PTPRG: variants seen among roughly 807,000 people sequenced by gnomAD.
PTPRG encodes the protein protein tyrosine phosphatase receptor type G.
PTPRG carries 102 observed loss-of-function variants against 165.3 expected under a neutral mutation model. The ratio of observed to expected loss-of-function variants is 0.62; its 90% CI spans 0.53 to 0.73. The LOEUF (loss-of-function observed/expected upper bound fraction) is 0.73. Among genes scored for constraint, PTPRG ranks in the 30% least tolerant of loss-of-function variants. PTPRG has a pLI of 0.00. For synonymous variants in PTPRG, 675 were observed against 669.5 expected, an observed-to-expected ratio of 1.01 and a Z score of -0.13; for missense variants, 1,866 against 1,861.4, an observed-to-expected ratio of 1.00 and a Z score of -0.05.
chr3:62,174,563 T>C (rs1201481387), intron 8 of PTPRG, among the ~76,000 whole-genome samples: 1 of 152,208 alleles, frequency 6.6e-6, no homozygotes. Flanking sequence ...CCTGAGTAAG[T>C]AGCCTATTTA....
chr3:61,568,480 A>C (rs914970999), intron 1 of PTPRG, among the ~76,000 whole-genome samples: 1 of 152,136 alleles, frequency 6.6e-6, no homozygotes, highest in Non-Finnish European at 1.5e-5. Flanking sequence ...AATTGGAGGG[A>C]CCATTTCACC....
chr3:61,931,276 T>G (rs1327762471), intron 2 of PTPRG, among the ~76,000 whole-genome samples: 1 of 152,246 alleles, frequency 6.6e-6, no homozygotes, highest in Non-Finnish European at 1.5e-5. Flanking sequence ...GAGCGCATTT[T>G]CACCCTCAAC....
intron 1 of PTPRG, among the ~76,000 whole-genome samples, chr3:61,674,486 C>CAAAAAAAA (rs58334791): frequency 1.7e-5 from 1 of 57,988 alleles, no homozygotes; most frequent in Non-Finnish European, 2.9e-5. Flanking sequence ...GACTCCATCT[C>CAAAAAAAA]AAAAAAAAAA....
chr3:61,887,017 A>G (rs1240007096), intron 2 of PTPRG, among the ~76,000 whole-genome samples: 5 of 150,814 alleles, frequency 3.3e-5, no homozygotes, highest in Non-Finnish European at 5.9e-5. Flanking sequence ...TGCGCTACTA[A>G]TATCTTGTGT....
At chr3:62,208,814 A>T (rs184455472) in intron 12 of PTPRG, among the ~76,000 whole-genome samples, 7 of 152,368 alleles carry the variant, frequency 4.6e-5, no homozygotes, top group Admixed American at 2.6e-4. Flanking sequence ...GTCACCAGTG[A>T]ACATTTGTGC....
Position 62,229,250 on chromosome 3 carries a change from TTCTC to T in PTPRG, c.2289-1973_2289-1970del. 6.6e-6 allele frequency among the ~76,000 whole-genome samples: 1 copy of T among 152,292 alleles called. No individual in the cohort carries two copies. Among genetic ancestry groups the T allele is most frequent in the East Asian group, 1.9e-4 (1 of 5,182 alleles). On this transcript the variant is annotated intron_variant, in intron 13 of 29. Transcript: ENST00000474889. The surrounding 1 kb of genome is among the most constrained non-coding windows in gnomAD (Gnocchi z 4.6). Reference sequence around the variant, plus strand: ...TGGAGGTGGTCACCCCTTTTTTTCTTTCTCTATGTGCCTGTGCTGGGAGATCTGG... The same window carrying T: ...TGGAGGTGGTCACCCCTTTTTTTCTTTATGTGCCTGTGCTGGGAGATCTGG...
chr3:61,736,915 T>C (rs916342946), intron 1 of PTPRG, among the ~76,000 whole-genome samples: 1 of 152,214 alleles, frequency 6.6e-6, no homozygotes, highest in African/African-American at 2.4e-5. Context: ...AAGGAAGGCA[T>C]ATATCAGACC....
Position 61,627,620 on chromosome 3 carries a change from AT to A in PTPRG, c.85+65252del, listed in dbSNP as rs112473928. Reference sequence around the variant, plus strand: ...ACTGACAGGTTTTATTTAATGACCCATTTTCCTTTATTTGAACTCAGCCCCA... The same window carrying A: ...ACTGACAGGTTTTATTTAATGACCCATTTCCTTTATTTGAACTCAGCCCCA... On this transcript the variant is annotated intron_variant, in intron 1 of 29. Transcript: ENST00000474889. Among the ~76,000 whole-genome samples the A allele has an allele frequency of 9.3e-3, 1,415 of 152,222 alleles. 24 individuals carry two copies. The highest frequency in any genetic ancestry group is 0.032 in the African/African-American group (1,346 of 41,524).
chr3:61,775,294 C>T (rs1235978691), intron 2 of PTPRG, among the ~76,000 whole-genome samples: 4 of 152,128 alleles, frequency 2.6e-5, no homozygotes, highest in African/African-American at 9.7e-5. Context: ...TGGTCTCGAA[C>T]TCCTGACCTC....
At chr3:62,041,447 A>G (rs998042776) in intron 4 of PTPRG, among the ~76,000 whole-genome samples, 1 of 152,196 alleles carries the variant, frequency 6.6e-6, no homozygotes, top group Admixed American at 6.5e-5. Flanking sequence ...CAAGACTTTT[A>G]GTCTGAAATT....
chr3:62,136,027 C>T (rs1321395036), intron 6 of PTPRG, among the ~76,000 whole-genome samples: 1 of 152,178 alleles, frequency 6.6e-6, no homozygotes, highest in Non-Finnish European at 1.5e-5. Context: ...GTTCAACAAG[C>T]TCCTCACAGC....
chr3:61,901,319 G>A (rs771416197), intron 2 of PTPRG, among the ~76,000 whole-genome samples: 8 of 152,204 alleles, frequency 5.3e-5, no homozygotes, highest in Non-Finnish European at 8.8e-5. Flanking sequence ...GGAGTGTGAA[G>A]GTTGGGTTGG....
chr3:61,816,732 G>A (rs1369564331), intron 2 of PTPRG, among the ~76,000 whole-genome samples: 3 of 151,716 alleles, frequency 2.0e-5, no homozygotes, highest in Non-Finnish European at 4.4e-5. Context: ...TTTTTGCAGC[G>A]GTCTTGATGA....
Position 61,725,412 on chromosome 3 carries a change from A to C in PTPRG, c.86-23466A>C, listed in dbSNP as rs1186060381. On this transcript the variant is annotated intron_variant, in intron 1 of 29. Transcript: ENST00000474889. Reference sequence around the variant, plus strand: ...GATACACTTTGTATTTTATTTTTTAAATTTTTTGCCTGTGGATGTCCAATT... The same window carrying C: ...GATACACTTTGTATTTTATTTTTTACATTTTTTGCCTGTGGATGTCCAATT... Among the ~76,000 whole-genome samples, 4 of 151,878 alleles carry C rather than the reference A, an allele frequency of 2.6e-5. No homozygotes were observed. The East Asian group carries it at 7.7e-4, about 29-fold the overall frequency.
chr3:62,242,502 G>A (rs1050600089), intron 14 of PTPRG, among the ~76,000 whole-genome samples: 5 of 152,142 alleles, frequency 3.3e-5, no homozygotes, highest in Non-Finnish European at 5.9e-5. Flanking sequence ...TCTGAAAATA[G>A]GCACTGCTTA....
chr3:61,768,104 G>A (rs1257748123), intron 2 of PTPRG, among the ~76,000 whole-genome samples: 1 of 151,826 alleles, frequency 6.6e-6, no homozygotes, highest in Non-Finnish European at 1.5e-5. Flanking sequence ...ATTTTTGTCT[G>A]TAAAATACTA....
intron 1 of PTPRG, among the ~76,000 whole-genome samples, chr3:61,723,494 A>AG (rs1368855558): frequency 6.6e-6 from 1 of 152,140 alleles, no homozygotes; most frequent in African/African-American, 2.4e-5. Flanking sequence ...TCATGTTACG[A>AG]GGTCCTTGTT....
At chr3:61,678,831 A>G (rs1302712890) in intron 1 of PTPRG, among the ~76,000 whole-genome samples, 3 of 152,114 alleles carry the variant, frequency 2.0e-5, no homozygotes, top group East Asian at 1.9e-4. Context: ...GTAAATGCCC[A>G]TTGTAATACC....
chr3:61,668,531 G>A (rs1702873668), intron 1 of PTPRG, among the ~76,000 whole-genome samples: 2 of 152,186 alleles, frequency 1.3e-5, no homozygotes, highest in South Asian at 4.1e-4. Flanking sequence ...TGTGTGGGTG[G>A]CGCCTTATAA....
Sources: gnomAD v4.1 joint callset for allele counts (sites outside exome capture counted in the v4.1 genomes callset) on GRCh38, gnomAD v4.1.1 for gene constraint, Gnocchi (gnomAD v3.1) non-coding constraint, MANE v1.5 for transcripts, NCBI Gene and HGNC (gene_info 2026-07-23, HGNC 2026-07-21) for gene names.